Variants in PDE1A observed in about 807,000 individuals in gnomAD.
The protein encoded by PDE1A is phosphodiesterase 1A.
PDE1A carries 35 observed loss-of-function variants against 61.7 expected under a neutral mutation model. The observed-to-expected ratio is 0.57, with a 90% CI of 0.43 to 0.75. The LOEUF (loss-of-function observed/expected upper bound fraction) is 0.75, where lower values mean the gene tolerates loss of function less well. Ranked by LOEUF, PDE1A falls within the 30% of genes least tolerant of loss-of-function variation. PDE1A has a pLI of 0.00. For synonymous variants in PDE1A, 232 were observed against 213.2 expected (o/e 1.09, Z -0.77); for missense variants, 597 against 630.6 (o/e 0.95, Z 0.57).
intron 2 of PDE1A, among the ~76,000 whole-genome samples, chr2:182,506,267 T>C (rs895472356): frequency 2.6e-5 from 4 of 152,232 alleles, no homozygotes; most frequent in African/African-American, 9.6e-5. Flanking sequence ...CTTTGTTCCC[T>C]ATGCAATTGG....
chr2:182,387,294 G>T lies in PDE1A; in HGVS notation c.53+39284C>A, dbSNP rs1463051681. 2.0e-5 allele frequency among the ~76,000 whole-genome samples: 3 copies of T among 152,206 alleles called. No individual in the cohort carries two copies. The East Asian group carries it at 5.8e-4, about 29-fold the overall frequency. ...CACAAACACTGCGGAAGGCTGCAGG[G>T]TCCTCTGCCTAGGAAAGCCAGAGAC... is the stretch of plus-strand genomic sequence containing the variant. On this transcript the variant is annotated intron_variant, in intron 1 of 13. Coordinates refer to ENST00000351439, the Ensembl canonical transcript of PDE1A.
chr2:182,466,425 TG>T (rs1283696479), intron 2 of PDE1A, among the ~76,000 whole-genome samples: 1 of 152,038 alleles, frequency 6.6e-6, no homozygotes, highest in Non-Finnish European at 1.5e-5. Flanking sequence ...GCCACCTCTC[TG>T]GGCTTTAGTT....
intron 1 of PDE1A, among the ~76,000 whole-genome samples, chr2:182,399,034 T>C (rs373386335): frequency 6.6e-6 from 1 of 151,970 alleles, no homozygotes; most frequent in Admixed American, 6.6e-5. Context: ...GACATTTTGA[T>C]GACCGTCAAG....
intron 1 of PDE1A, among the ~76,000 whole-genome samples, chr2:182,386,225 C>G (rs969436744): frequency 1.3e-5 from 2 of 152,114 alleles, no homozygotes; most frequent in Non-Finnish European, 2.9e-5. Flanking sequence ...CCTGCCTTGG[C>G]CTCCCAAAGT....
At chr2:182,437,053 T>G (rs2125659541) in intron 2 of PDE1A, among the ~76,000 whole-genome samples, 1 of 151,982 alleles carries the variant, frequency 6.6e-6, no homozygotes, top group East Asian at 1.9e-4. Context: ...AATCTCACAA[T>G]ACAAGCCTTA....
chr2:182,481,038 C>T (rs368322190), intron 2 of PDE1A, among the ~76,000 whole-genome samples: 2 of 151,750 alleles, frequency 1.3e-5, no homozygotes, highest in Admixed American at 6.6e-5. Context: ...TCTTGCACTT[C>T]GAGTTTGCAG....
intron 1 of PDE1A, among the ~76,000 whole-genome samples, chr2:182,371,756 T>A (rs1170878870): frequency 6.6e-6 from 1 of 152,128 alleles, no homozygotes. Context: ...ATGATAAATG[T>A]TAAAATGACC....
At chr2:182,403,985 A>C (rs1232359893) in intron 1 of PDE1A, among the ~76,000 whole-genome samples, 2 of 152,136 alleles carry the variant, frequency 1.3e-5, no homozygotes, top group African/African-American at 4.8e-5. Flanking sequence ...AGTATAATAA[A>C]AAATAAAATA....
chr2:182,552,256 C>G, the PDE1A span, among the ~76,000 whole-genome samples: 1 of 151,910 alleles, frequency 6.6e-6, no homozygotes, highest in Admixed American at 6.6e-5. Context: ...CTCTCAAAAA[C>G]AGGGAGAAAA....
At chr2:182,549,815 TTAAA>T in the PDE1A span, among the ~76,000 whole-genome samples, 5 of 152,204 alleles carry the variant, frequency 3.3e-5, no homozygotes, top group Non-Finnish European at 7.4e-5. Context: ...GACAGGGTTA[TTAAA>T]TAGTTTTTAC....
At chr2:182,231,679 G>T (rs6760081) in intron 4 of PDE1A, among the ~76,000 whole-genome samples, 6,819 of 152,174 alleles carry the variant, frequency 0.045, 474 homozygotes, top group African/African-American at 0.15. Context: ...ACTTTGGGAG[G>T]CTGAAATGGG....
At chr2:182,171,377 A>G (rs1692198432) in intron 13 of PDE1A, among the ~76,000 whole-genome samples, 1 of 152,002 alleles carries the variant, frequency 6.6e-6, no homozygotes, top group African/African-American at 2.4e-5. Context: ...TGTTTGAAGA[A>G]CTATAGACGT....
intron 2 of PDE1A, among the ~76,000 whole-genome samples, chr2:182,465,005 T>G (rs563842289): frequency 1.4e-4 from 21 of 152,304 alleles, no homozygotes; most frequent in Non-Finnish European, 2.8e-4. Context: ...ATTAACTGTA[T>G]GTTAAAATAC....
chr2:182,327,005 C>T (rs1216202556), intron 1 of PDE1A, among the ~76,000 whole-genome samples: 1 of 152,154 alleles, frequency 6.6e-6, no homozygotes, highest in Non-Finnish European at 1.5e-5. Context: ...AACAGAGATA[C>T]CTGTGATGCT....
At chr2:182,579,778 A>T in the PDE1A span, among the ~76,000 whole-genome samples, 2 of 152,226 alleles carry the variant, frequency 1.3e-5, no homozygotes, top group Non-Finnish European at 2.9e-5. Flanking sequence ...CATATAAATT[A>T]TTATAATAAA....
chr2:182,336,937 C>T (rs1345406796), intron 1 of PDE1A, among the ~76,000 whole-genome samples: 1 of 146,164 alleles, frequency 6.8e-6, no homozygotes, highest in Non-Finnish European at 1.5e-5. Context: ...AGTAACAAAC[C>T]TGCAGGTTCT....
At chr2:182,711,623 C>T in the PDE1A span, among the ~76,000 whole-genome samples, 4 of 151,810 alleles carry the variant, frequency 2.6e-5, no homozygotes, top group Admixed American at 6.6e-5. Context: ...AGAACCAAGG[C>T]TTCTTAGAGA....
chr2:182,299,521 G>A (rs1010471710), intron 1 of PDE1A, among the ~76,000 whole-genome samples: 1 of 148,886 alleles, frequency 6.7e-6, no homozygotes, highest in Admixed American at 6.8e-5. Context: ...GGTCCAGGAT[G>A]GTCATCTCCA....
intron 10 of PDE1A, among the ~76,000 whole-genome samples, chr2:182,199,121 A>G (rs970414282): frequency 6.6e-6 from 1 of 151,940 alleles, no homozygotes; most frequent in African/African-American, 2.4e-5. Flanking sequence ...CTAAGTTTTC[A>G]ATTTTATTGG....
Sources: gnomAD v4.1 joint callset for allele counts (sites outside exome capture counted in the v4.1 genomes callset) on GRCh38, gnomAD v4.1.1 for gene constraint, MANE v1.5 for transcripts, NCBI Gene and HGNC (gene_info 2026-07-23, HGNC 2026-07-21) for gene names.